The following DOCK7 variants were observed in gnomAD, a reference collection of about 807,000 sequenced individuals.
The protein encoded by DOCK7 is dedicator of cytokinesis 7.
A neutral mutation model predicts 271.0 loss-of-function variants in DOCK7; 138 were observed. That is an observed-to-expected ratio of 0.51 (90% CI 0.44 to 0.59). DOCK7 has a LOEUF of 0.59. Among genes scored for constraint, DOCK7 ranks in the 20% least tolerant of loss-of-function variants. The probability of loss-of-function intolerance (pLI) is 0.00; values close to 1 mark genes in which losing one functional copy is unlikely to be tolerated. For synonymous variants in DOCK7, 823 were observed against 876.1 expected, an observed-to-expected ratio of 0.94 and a Z score of 1.07; for missense variants, 2,066 against 2,592.4, an observed-to-expected ratio of 0.80 and a Z score of 4.41.
chr1:62,553,559 A>G (rs964455045), intron 21 of DOCK7, among the ~76,000 whole-genome samples: 1 of 149,870 alleles, frequency 6.7e-6, no homozygotes, highest in African/African-American at 2.5e-5. Context: ...TTTTTTGTAG[A>G]GACGGGGTCT....
chr1:62,474,273 A>G (rs1645910222), intron 47 of DOCK7, among the ~76,000 whole-genome samples, 185 bp from the exon 48 acceptor site: 1 of 152,216 alleles, frequency 6.6e-6, no homozygotes, highest in African/African-American at 2.4e-5. Context: ...CTACATTCTT[A>G]TCTAGTGGAA....
chr1:62,609,465 A>G (rs1651465705), intron 14 of DOCK7: 1 of 152,222 alleles, frequency 6.6e-6, no homozygotes, highest in East Asian at 1.9e-4. Context: ...ATAGATGGGA[A>G]TAATAATCCT....
intron 48 of DOCK7, among the ~76,000 whole-genome samples, chr1:62,472,799 C>T (rs1296976463): frequency 6.6e-6 from 1 of 152,190 alleles, no homozygotes; most frequent in Non-Finnish European, 1.5e-5. Context: ...TTCTGAGAGT[C>T]TAGAATTTTG....
intron 20 of DOCK7, among the ~76,000 whole-genome samples, chr1:62,556,195 T>C (rs981320032): frequency 6.6e-6 from 1 of 152,156 alleles, no homozygotes; most frequent in Non-Finnish European, 1.5e-5. Flanking sequence ...AAATGAGAAC[T>C]CATTTTACTA....
At chr1:62,634,014 T>C (rs1184290369) in intron 9 of DOCK7, 1 of 152,782 alleles carries the variant, frequency 6.5e-6, no homozygotes, top group Non-Finnish European at 1.5e-5. Context: ...TGATCTTTTA[T>C]GTAGAAAACT....
At chr1:62,455,507 T>A (rs1645322419) in intron 49 of DOCK7, 51 bp from the exon 50 acceptor site, 1 of 1,545,736 alleles carries the variant, frequency 6.5e-7, no homozygotes, top group Non-Finnish European at 8.9e-7. Context: ...AATTTTTGCA[T>A]ATACCTTTAA....
chr1:62,654,266 GTTCT>G (rs1042161184), intron 2 of DOCK7, 107 bp from the exon 3 acceptor site: 2 of 1,104,774 alleles, frequency 1.8e-6, no homozygotes, highest in Non-Finnish European at 2.5e-6. Flanking sequence ...TTTTAATCTA[GTTCT>G]TTCTAAAATT....
intron 18 of DOCK7, among the ~76,000 whole-genome samples, chr1:62,568,350 G>T (rs2149459188): frequency 6.6e-6 from 1 of 151,300 alleles, no homozygotes; most frequent in South Asian, 2.1e-4. Flanking sequence ...ACCTAGACTG[G>T]AGTGCAGTGG....
At chr1:62,522,973 C>T (rs1463650065) in intron 31 of DOCK7, among the ~76,000 whole-genome samples, 5 of 151,820 alleles carry the variant, frequency 3.3e-5, no homozygotes, top group East Asian at 1.9e-4. Context: ...ATATCAAGCA[C>T]GAATAATAAA....
chr1:62,556,878 G>A (rs746749052), intron 20 of DOCK7, among the ~76,000 whole-genome samples: 3 of 152,070 alleles, frequency 2.0e-5, no homozygotes, highest in Admixed American at 6.6e-5. Context: ...AAACCTGAGC[G>A]AAGTTAAGCG....
At chr1:62,544,292 A>G (rs1480174291) in intron 23 of DOCK7, among the ~76,000 whole-genome samples, 1 of 152,228 alleles carries the variant, frequency 6.6e-6, no homozygotes, top group Non-Finnish European at 1.5e-5. Context: ...AAGCCAACAC[A>G]GATGAGAAGT....
intron 21 of DOCK7, among the ~76,000 whole-genome samples, chr1:62,553,533 T>C (rs1437547055): frequency 1.3e-5 from 2 of 149,574 alleles, no homozygotes; most frequent in Non-Finnish European, 3.0e-5. Flanking sequence ...CATGCCCGGG[T>C]AAATTTCTCT....
intron 10 of DOCK7, among the ~76,000 whole-genome samples, 171 bp downstream of exon 10, chr1:62,633,327 T>A (rs533679656): frequency 6.6e-6 from 1 of 152,084 alleles, no homozygotes; most frequent in African/African-American, 2.4e-5. Flanking sequence ...GAAAGGAAGA[T>A]AGGAAGTGGG....
At chr1:62,471,746 C>G (rs1164814637) in intron 48 of DOCK7, among the ~76,000 whole-genome samples, 3 of 152,118 alleles carry the variant, frequency 2.0e-5, no homozygotes, top group Non-Finnish European at 4.4e-5. Context: ...GTAGTATAAA[C>G]TATACCACAT....
At chr1:62,669,294 T>A (rs1659663396) in intron 1 of DOCK7, among the ~76,000 whole-genome samples, 1 of 152,210 alleles carries the variant, frequency 6.6e-6, no homozygotes, top group African/African-American at 2.4e-5. Context: ...AAGCACTCTC[T>A]TTGATAGTAG....
intron 7 of DOCK7, among the ~76,000 whole-genome samples, chr1:62,644,191 G>C (rs1375053886): frequency 6.6e-6 from 1 of 152,054 alleles, no homozygotes; most frequent in Non-Finnish European, 1.5e-5. Context: ...GCTTCTGCCA[G>C]GTACCTAGGG....
intron 8 of DOCK7, 40 bp from the exon 9 acceptor site, chr1:62,634,962 T>A (rs1655072834): frequency 7.1e-7 from 1 of 1,410,734 alleles, no homozygotes; most frequent in Non-Finnish European, 9.8e-7. Context: ...AATATGTACA[T>A]TTTACAGTGT....
At chr1:62,668,089 GT>G (rs1411769925) in intron 1 of DOCK7, among the ~76,000 whole-genome samples, 1 of 152,100 alleles carries the variant, frequency 6.6e-6, no homozygotes, top group East Asian at 1.9e-4. Context: ...AAACAACACT[GT>G]ACCACCTAGT....
intron 11 of DOCK7, chr1:62,628,152 T>G (rs1654180309): frequency 6.6e-6 from 1 of 152,242 alleles, no homozygotes; most frequent in African/African-American, 2.4e-5. Flanking sequence ...GTAACCTAGA[T>G]CCCCTGCATG....
Sources: gnomAD v4.1 joint callset for allele counts (sites outside exome capture counted in the v4.1 genomes callset) on GRCh38, gnomAD v4.1.1 for gene constraint, MANE v1.5 for transcripts, NCBI Gene and HGNC (gene_info 2026-07-23, HGNC 2026-07-21) for gene names.